PTPRM: variants seen among roughly 807,000 people sequenced by gnomAD.
PTPRM encodes the protein receptor-type tyrosine-protein phosphatase mu.
In PTPRM, 47 loss-of-function variants were observed where a neutral mutation model predicts 186.7. The ratio of observed to expected loss-of-function variants is 0.25; its 90% CI spans 0.20 to 0.32. The LOEUF (loss-of-function observed/expected upper bound fraction) is 0.32, where lower values mean the gene tolerates loss of function less well. PTPRM is among the 10% of genes least tolerant of loss of function. PTPRM has a pLI of 1.00. For missense variants in PTPRM, 1,494 were observed against 1,865.0 expected (o/e 0.80, Z 3.66); for synonymous variants, 668 against 674.9 (o/e 0.99, Z 0.16).
At chr18:8,405,821 C>G (rs138303501) in intron 32 of PTPRM, among the ~76,000 whole-genome samples, 1 of 152,168 alleles carries the variant, frequency 6.6e-6, no homozygotes, top group Admixed American at 6.5e-5. Context: ...ATGTTGATAT[C>G]CTGGAAAATA....
chr18:7,671,694 C>T (rs1303755093), intron 1 of PTPRM, among the ~76,000 whole-genome samples: 1 of 151,994 alleles, frequency 6.6e-6, no homozygotes, highest in East Asian at 1.9e-4. Context: ...ACCTTTCATT[C>T]GTAAGTGAAT....
intron 11 of PTPRM, among the ~76,000 whole-genome samples, chr18:8,099,321 G>A (rs1484419977): frequency 6.6e-6 from 1 of 152,172 alleles, no homozygotes; most frequent in Non-Finnish European, 1.5e-5. Flanking sequence ...GTGACCGCTT[G>A]TCCTGGCCAC....
intron 2 of PTPRM, among the ~76,000 whole-genome samples, chr18:7,839,910 C>A (rs534937211): frequency 7.4e-4 from 112 of 152,072 alleles, no homozygotes; most frequent in African/African-American, 2.5e-3. Flanking sequence ...TTAAATGCTC[C>A]CTTCATGGGT....
intron 13 of PTPRM, 121 bp downstream of exon 13, chr18:8,114,948 CAT>C (rs112632474): frequency 2.6e-4 from 182 of 687,238 alleles, no homozygotes; most frequent in Middle Eastern, 4.1e-4. Flanking sequence ...ATTATATATA[CAT>C]ATATATATAT....
intron 2 of PTPRM, among the ~76,000 whole-genome samples, chr18:7,884,924 C>CAAAAAAAGAAA: frequency 2.6e-5 from 1 of 37,850 alleles, no homozygotes; most frequent in Non-Finnish European, 4.8e-5. Context: ...AGCTCCATCT[C>CAAAAAAAGAAA]AAAAAAAAAA....
chr18:7,999,111 C>G (rs1599954671), intron 7 of PTPRM, among the ~76,000 whole-genome samples: 1 of 152,190 alleles, frequency 6.6e-6, no homozygotes, highest in East Asian at 1.9e-4. Flanking sequence ...GGGAACCGCC[C>G]TGGACAGGAC....
At chr18:8,345,977 A>G (rs1568796055) in intron 23 of PTPRM, among the ~76,000 whole-genome samples, 3 of 152,202 alleles carry the variant, frequency 2.0e-5, no homozygotes, top group African/African-American at 7.2e-5. Flanking sequence ...TGACCAGACA[A>G]GGGGGGAGGT....
At chr18:8,215,536 C>CTTTCTTTCT (rs2094069301) in intron 14 of PTPRM, among the ~76,000 whole-genome samples, 5 of 128,544 alleles carry the variant, frequency 3.9e-5, no homozygotes, top group African/African-American at 1.5e-4. Flanking sequence ...TTCTTTCTTT[C>CTTTCTTTCT]TTTCTTTTCT....
chr18:7,756,192 C>T lies in PTPRM; in HGVS notation c.74-17957C>T, dbSNP rs548590410. Among the ~76,000 whole-genome samples the T allele has an allele frequency of 6.6e-5, 10 of 152,170 alleles. No homozygotes were observed. The South Asian group carries it at 2.1e-3, about 32-fold the overall frequency. On this transcript the variant is annotated intron_variant, in intron 1 of 32. Transcript: ENST00000580170. ...CCTTGTGTCTGTTTTCTTGATGGTT[C>T]CTTGTGGTTGCTTTCAGTGTTAGGT...
At chr18:7,604,196 C>T (rs1239955168) in intron 1 of PTPRM, among the ~76,000 whole-genome samples, 1 of 152,090 alleles carries the variant, frequency 6.6e-6, no homozygotes, top group Non-Finnish European at 1.5e-5. Context: ...TGAGTTGTTC[C>T]AATTCTTTTC....
At chr18:8,068,680 T>A (rs1412906116) in intron 7 of PTPRM, among the ~76,000 whole-genome samples, 1 of 152,264 alleles carries the variant, frequency 6.6e-6, no homozygotes, top group African/African-American at 2.4e-5. Flanking sequence ...ATACCTGCTC[T>A]GCTCAGAAGT....
At chr18:8,320,351 G>C (rs2095338110) in intron 22 of PTPRM, among the ~76,000 whole-genome samples, 1 of 152,108 alleles carries the variant, frequency 6.6e-6, no homozygotes, top group Admixed American at 6.5e-5. Flanking sequence ...ATTGAGGCTG[G>C]GTCCCATTGA....
At chr18:7,946,856 G>A (rs1275901437) in intron 5 of PTPRM, 4 of 446,904 alleles carry the variant, frequency 9.0e-6, no homozygotes, top group African/African-American at 2.0e-5. Context: ...TACTATTGCA[G>A]CACTCCTGTC....
At chr18:8,105,799 C>T (rs1372243239) in intron 11 of PTPRM, among the ~76,000 whole-genome samples, 1 of 152,118 alleles carries the variant, frequency 6.6e-6, no homozygotes, top group Non-Finnish European at 1.5e-5. Context: ...CAGTCACCCC[C>T]CAGAAAAACC....
At chr18:7,705,881 T>C (rs2144742913) in intron 1 of PTPRM, among the ~76,000 whole-genome samples, 1 of 151,164 alleles carries the variant, frequency 6.6e-6, no homozygotes, top group South Asian at 2.1e-4. Flanking sequence ...TCAAGTCCAC[T>C]AGATAGTTTT....
At chr18:8,343,611 T>A in intron 23 of PTPRM, 91 bp downstream of exon 23, 2 of 1,110,830 alleles carry the variant, frequency 1.8e-6, no homozygotes, top group South Asian at 1.4e-5. Context: ...TGAACTATTA[T>A]GTGTACTCCC....
chr18:7,887,067 G>A (rs780448572), intron 2 of PTPRM, among the ~76,000 whole-genome samples: 3 of 152,044 alleles, frequency 2.0e-5, no homozygotes, highest in Non-Finnish European at 4.4e-5. Flanking sequence ...TTCACAATGA[G>A]GGTACCCATC....
intron 7 of PTPRM, among the ~76,000 whole-genome samples, chr18:7,958,202 C>A (rs956711590): frequency 8.5e-6 from 1 of 118,216 alleles, no homozygotes; most frequent in African/African-American, 3.3e-5. Context: ...CCTCACCATC[C>A]CCTGCAAAAA....
chr18:7,986,556 G>A (rs1023170338), intron 7 of PTPRM, among the ~76,000 whole-genome samples: 11 of 152,214 alleles, frequency 7.2e-5, no homozygotes, highest in South Asian at 4.1e-4. Context: ...AGCCAAGGCC[G>A]GTGAATGAAG....
Sources: allele counts gnomAD v4.1 joint callset (sites outside exome capture counted in the v4.1 genomes callset), GRCh38; gene constraint gnomAD v4.1.1; transcripts MANE v1.5; gene names NCBI Gene and HGNC (gene_info 2026-07-23, HGNC 2026-07-21).